CSMD1: variants seen among roughly 807,000 people sequenced by gnomAD.
CSMD1 encodes CUB and Sushi multiple domains 1.
Under a neutral mutation model 417.5 loss-of-function variants are expected in CSMD1, and 213 were observed. The ratio of observed to expected loss-of-function variants is 0.51; its 90% CI spans 0.46 to 0.57. CSMD1 has a LOEUF of 0.57. CSMD1 is among the 20% of genes least tolerant of loss of function. CSMD1 has a pLI of 0.00. For synonymous variants in CSMD1, 2,862 were observed against 1,736.8 expected (o/e 1.65, Z -16.11); for missense variants, 6,923 against 4,529.7 (o/e 1.53, Z -15.17).
chr8:4,753,480 T>A (rs1054886581), intron 1 of CSMD1, among the ~76,000 whole-genome samples: 1 of 151,170 alleles, frequency 6.6e-6, no homozygotes, highest in African/African-American at 2.4e-5. Context: ...TTATGAATTT[T>A]CCCCTCCATT....
chr8:3,729,808 T>A (rs1802716428), intron 6 of CSMD1, among the ~76,000 whole-genome samples: 1 of 151,898 alleles, frequency 6.6e-6, no homozygotes, highest in African/African-American at 2.4e-5. Flanking sequence ...GATTTCTTCA[T>A]TCTACAGCAT....
intron 1 of CSMD1, among the ~76,000 whole-genome samples, chr8:4,684,292 G>C (rs1322337895): frequency 2.0e-5 from 3 of 152,174 alleles, no homozygotes; most frequent in Non-Finnish European, 4.4e-5. Flanking sequence ...AAAAATAGGA[G>C]CGCAGACTTG....
chr8:4,681,746 A>C (rs537222893), intron 1 of CSMD1, among the ~76,000 whole-genome samples: 1 of 152,272 alleles, frequency 6.6e-6, no homozygotes, highest in East Asian at 1.9e-4. Context: ...TATTGTGAAA[A>C]ATTAGCATCC....
chr8:4,031,999 G>T lies in CSMD1; in HGVS notation c.516C>A (p.Leu172=), dbSNP rs149086811. The change falls in exon 4 of 70, where the codon CTC becomes CTA. Residue 172 remains leucine, a synonymous_variant. Coordinates refer to ENST00000635120, the MANE Select transcript of CSMD1 (RefSeq NM_033225.6). ...CGTGGCCTTCCAAGATGTAGCCAGG[G>T]AGGCAGCTGTACCGGATTTTGTCTC... ...NIGDKIRYSC[L]PGYILEGHAI... 9.7e-5 allele frequency: 156 copies of T among 1,613,918 alleles called. 3 individuals are homozygous for T. The South Asian group carries it at 1.6e-3, about 17-fold the overall frequency.
chr8:3,504,606 C>T lies in CSMD1; in HGVS notation c.1345-10880G>A, dbSNP rs140507783. ...TTCAAATCTCACGAGTCTTTATAAC[C>T]AAGAAAAACTCATCTGTCTTCTCTC... On this transcript the variant is annotated intron_variant, in intron 10 of 69. Coordinates refer to ENST00000635120, the MANE Select transcript of CSMD1 (RefSeq NM_033225.6). 1.7e-3 allele frequency among the ~76,000 whole-genome samples: 252 copies of T among 152,258 alleles called. 2 individuals carry two copies. In the Middle Eastern group the frequency reaches 0.017, roughly 10 times the overall value.
At chr8:4,472,060 A>G (rs569769237) in intron 2 of CSMD1, among the ~76,000 whole-genome samples, 24 of 152,230 alleles carry the variant, frequency 1.6e-4, no homozygotes, top group Non-Finnish European at 3.2e-4. Flanking sequence ...TTTAATGCTT[A>G]GCTGGGAAAC....
intron 2 of CSMD1, among the ~76,000 whole-genome samples, chr8:4,564,703 C>T (rs1417830944): frequency 6.6e-6 from 1 of 152,160 alleles, no homozygotes; most frequent in East Asian, 1.9e-4. Flanking sequence ...ACAATGAATG[C>T]ATACCCTGAT....
In CSMD1 at chr8:3,018,618, T is replaced by A; in HGVS notation, c.7888A>T (p.Asn2630Tyr). The change falls in exon 52 of 70, where the codon AAT becomes TAT. Residue 2630 changes from asparagine (N) to tyrosine (Y), a missense_variant. By Grantham distance (143) the Asn-to-Tyr change is moderately radical. Coordinates refer to ENST00000635120, the MANE Select transcript of CSMD1 (RefSeq NM_033225.6). ...GTCAACGTTCCAATCTTGTTGCCAT[T>A]TGGGGGAAAGGAAAGGCTTCCACAC... ...ISCGSLSFPPNGNKIGTLTVY... is the reference protein window; with the variant it reads ...ISCGSLSFPPYGNKIGTLTVY... The A allele has an allele frequency of 6.2e-7, 1 of 1,612,654 alleles. No individual in the cohort carries two copies. The highest frequency in any genetic ancestry group is 2.2e-5 in the East Asian group (1 of 44,842).
chr8:4,400,776 T>TC (rs200106188), intron 3 of CSMD1, among the ~76,000 whole-genome samples: 4 of 149,646 alleles, frequency 2.7e-5, no homozygotes, highest in African/African-American at 9.9e-5. Flanking sequence ...TTTTTTTTTT[T>TC]CCTTTTTAAA....
intron 1 of CSMD1, among the ~76,000 whole-genome samples, chr8:4,965,347 G>A (rs1040721340): frequency 6.6e-6 from 1 of 152,172 alleles, no homozygotes; most frequent in Non-Finnish European, 1.5e-5. Flanking sequence ...AGTCAAACCT[G>A]TTTATTTAAA....
intron 12 of CSMD1, among the ~76,000 whole-genome samples, chr8:3,443,322 C>T (rs77245109): frequency 0.026 from 4,013 of 151,848 alleles, 89 homozygotes; most frequent in East Asian, 0.092. Flanking sequence ...TGCTGTACAG[C>T]CAGAGAAAGA....
intron 54 of CSMD1, among the ~76,000 whole-genome samples, chr8:2,986,411 A>G (rs1805914663): frequency 6.6e-6 from 1 of 152,174 alleles, no homozygotes; most frequent in Non-Finnish European, 1.5e-5. Context: ...GGGTGCAAAC[A>G]CATATCAGAT....
At chr8:4,126,058 C>T (rs532557139) in intron 3 of CSMD1, among the ~76,000 whole-genome samples, 1 of 152,076 alleles carries the variant, frequency 6.6e-6, no homozygotes, top group African/African-American at 2.4e-5. Flanking sequence ...TCTGGCCCGA[C>T]CAGTTTTGCC....
Position 3,998,081 on chromosome 8 carries a change from C to T in CSMD1, c.640G>A (p.Gly214Arg), listed in dbSNP as rs544220269. The T allele has an allele frequency of 6.3e-7, 1 of 1,583,872 alleles. No individual in the cohort carries two copies. Among genetic ancestry groups the T allele is most frequent in the Non-Finnish European group, 8.6e-7 (1 of 1,164,284 alleles). Residue 214 changes from glycine (G) to arginine (R), a missense_variant, in exon 5 of 70, where the codon GGG becomes AGG. Transcript: ENST00000635120. ...GGGCTGGAGATGGAGCTGCTGGTCC[C>T]GCGTAAGGTTCCTCCGCAGGCTCCC... ...AEGACGGTLR[G>R]TSSSISSPHF...
intron 3 of CSMD1, among the ~76,000 whole-genome samples, chr8:4,341,168 G>C (rs771979766): frequency 3.3e-5 from 5 of 152,058 alleles, no homozygotes; most frequent in Non-Finnish European, 7.4e-5. Flanking sequence ...AGTAGGCGTT[G>C]ATCATCTATA....
At chr8:4,270,191 CA>C (rs753325804) in intron 3 of CSMD1, among the ~76,000 whole-genome samples, 50 of 152,218 alleles carry the variant, frequency 3.3e-4, no homozygotes, top group Non-Finnish European at 2.6e-4. Flanking sequence ...AAGGAGTTGA[CA>C]TAGCCGCGTG....
intron 9 of CSMD1, among the ~76,000 whole-genome samples, chr8:3,578,335 G>C (rs1230748564): frequency 6.6e-6 from 1 of 152,092 alleles, no homozygotes; most frequent in Non-Finnish European, 1.5e-5. Context: ...GGGAGCTTTG[G>C]TGATGATCTG....
intron 1 of CSMD1, among the ~76,000 whole-genome samples, chr8:4,893,223 A>T (rs1804243846): frequency 1.3e-5 from 2 of 152,036 alleles, no homozygotes; most frequent in African/African-American, 2.4e-5. Flanking sequence ...TGGTATCTGA[A>T]TTTCTTCTTT....
intron 5 of CSMD1, among the ~76,000 whole-genome samples, chr8:3,977,483 A>T (rs1391027710): frequency 1.3e-5 from 2 of 152,180 alleles, no homozygotes; most frequent in Non-Finnish European, 2.9e-5. Context: ...AAGAAAAAAA[A>T]AATTAAGGAA....
Sources: gnomAD v4.1 joint callset for allele counts (sites outside exome capture counted in the v4.1 genomes callset) on GRCh38, gnomAD v4.1.1 for gene constraint, MANE v1.5 for transcripts, NCBI Gene and HGNC (gene_info 2026-07-23, HGNC 2026-07-21) for gene names.